Variants in KLF12 observed in about 807,000 individuals in gnomAD.
KLF12 encodes Krueppel-like factor 12.
In KLF12, 9 loss-of-function variants were observed where a neutral mutation model predicts 37.8. The ratio of observed to expected loss-of-function variants is 0.24; its 90% confidence interval spans 0.14 to 0.42. The LOEUF is 0.42. Ranked by LOEUF, KLF12 falls within the 10% of genes least tolerant of loss-of-function variation. The pLI is 1.00. For synonymous variants in KLF12, 208 were observed against 202.1 expected, an observed-to-expected ratio of 1.03 and a Z score of -0.25; for missense variants, 411 against 516.0, an observed-to-expected ratio of 0.80 and a Z score of 1.97.
At chr13:74,305,469 A>G in the KLF12 span, among the ~76,000 whole-genome samples, 1 of 152,072 alleles carries the variant, frequency 6.6e-6, no homozygotes, top group Non-Finnish European at 1.5e-5. Flanking sequence ...TTTAACTTAA[A>G]TAAAAATTGG....
At chr13:73,712,616 A>T (rs917040004) in intron 7 of KLF12, among the ~76,000 whole-genome samples, 1 of 152,238 alleles carries the variant, frequency 6.6e-6, no homozygotes, top group Non-Finnish European at 1.5e-5. Flanking sequence ...AAATGTTATG[A>T]AACAGCACCA....
chr13:73,850,888 G>T (rs1460348273), intron 3 of KLF12, among the ~76,000 whole-genome samples: 3 of 152,154 alleles, frequency 2.0e-5, no homozygotes, highest in African/African-American at 4.8e-5. Context: ...ATAGCTCATG[G>T]CTTAACTGTC....
chr13:73,861,720 AAC>A (rs1316808328), intron 3 of KLF12, among the ~76,000 whole-genome samples: 1 of 151,942 alleles, frequency 6.6e-6, no homozygotes, highest in East Asian at 1.9e-4. Context: ...TTCCTTCTCT[AAC>A]TCTTCCATAT....
rs527869419 is a variant in KLF12, at chr13:73,936,939, C to T, written c.123+7042G>A. Among the ~76,000 whole-genome samples, 106 of 152,158 alleles carry T rather than the reference C, an allele frequency of 7.0e-4. 1 individual carries two copies. Among genetic ancestry groups the T allele is most frequent in the Non-Finnish European group, 1.4e-3 (97 of 68,018 alleles). ...AGGCGCAGTGGCTCAGGCCTATAAT[C>T]CCAACCCTTTGGGAGGCAAAGGCAG... On this transcript the variant is annotated intron_variant, in intron 3 of 7. Coordinates refer to ENST00000377669, the MANE Select transcript of KLF12 (RefSeq NM_007249.5).
chr13:73,897,698 T>C (rs149440454), intron 3 of KLF12, among the ~76,000 whole-genome samples: 1 of 152,354 alleles, frequency 6.6e-6, no homozygotes, highest in East Asian at 1.9e-4. Flanking sequence ...ACACCTGGAT[T>C]AATGCAATAG....
At chr13:74,117,876 G>A (rs1233616911) in intron 1 of KLF12, among the ~76,000 whole-genome samples, 3 of 151,714 alleles carry the variant, frequency 2.0e-5, no homozygotes, top group African/African-American at 4.9e-5. Context: ...GAGAGACTAA[G>A]AAACTGCCAC....
At chr13:74,161,582 A>G in the KLF12 span, among the ~76,000 whole-genome samples, 1 of 152,190 alleles carries the variant, frequency 6.6e-6, no homozygotes, top group Non-Finnish European at 1.5e-5. Context: ...AACCCTGTTA[A>G]TGCTCTGATT....
chr13:74,058,270 TATATA>T (rs1873366645), intron 1 of KLF12, among the ~76,000 whole-genome samples: 3 of 151,504 alleles, frequency 2.0e-5, no homozygotes, highest in Non-Finnish European at 4.4e-5. Context: ...CCCGGCCAGC[TATATA>T]ATCTTTGATA....
chr13:73,796,507 CTGTGTG>C (rs5804694), intron 5 of KLF12, among the ~76,000 whole-genome samples: 1,961 of 140,346 alleles, frequency 0.014, 24 homozygotes, highest in South Asian at 0.023. Context: ...TGCCCCTGTG[CTGTGTG>C]TGTGTGTGTG....
chr13:73,778,376 C>A (rs1220928373), intron 5 of KLF12, among the ~76,000 whole-genome samples: 5 of 152,072 alleles, frequency 3.3e-5, no homozygotes, highest in Non-Finnish European at 5.9e-5. Flanking sequence ...GAGTCAGGGT[C>A]TCCCTCTGTA....
At chr13:73,907,510 C>A (rs4885131) in intron 3 of KLF12, among the ~76,000 whole-genome samples, 2 of 152,184 alleles carry the variant, frequency 1.3e-5, no homozygotes, top group African/African-American at 4.8e-5. Flanking sequence ...CTCCTCAGCT[C>A]TCAGTCTTCT....
chr13:74,098,976 G>A (rs1876145490), intron 1 of KLF12, among the ~76,000 whole-genome samples: 2 of 152,050 alleles, frequency 1.3e-5, no homozygotes, highest in South Asian at 4.1e-4. Flanking sequence ...CTTTTGTAAG[G>A]TTAGAAGGAG....
rs761893103 is a variant in KLF12 at position 73,769,904 on chromosome 13, G to A, written c.807-4904C>T. 7.8e-4 allele frequency among the ~76,000 whole-genome samples: 118 copies of A among 151,980 alleles called. 4 individuals carry two copies. Among genetic ancestry groups the A allele is most frequent in the Admixed American group, 5.9e-4 (9 of 15,250 alleles). Reference sequence around the variant, plus strand: ...CAGACCAATGAAATCTTTCTTGTAGGACATTACTCATCTAGCAAGACTAGA... The same window carrying A: ...CAGACCAATGAAATCTTTCTTGTAGAACATTACTCATCTAGCAAGACTAGA... On this transcript the variant is annotated intron_variant, in intron 5 of 7. Transcript: ENST00000377669.
intron 7 of KLF12, among the ~76,000 whole-genome samples, chr13:73,700,286 T>A (rs144341104): frequency 0.077 from 11,523 of 150,470 alleles, 538 homozygotes; most frequent in South Asian, 0.14. Flanking sequence ...ATAAATAAAT[T>A]AATTAATTAA....
At chr13:74,094,657 C>T (rs956422139) in intron 1 of KLF12, among the ~76,000 whole-genome samples, 38 of 150,644 alleles carry the variant, frequency 2.5e-4, no homozygotes, top group Admixed American at 6.6e-4. Flanking sequence ...TGGAGGGCAG[C>T]GGCCCCACCT....
rs543858309 is a variant in KLF12 at position 73,905,217 on chromosome 13, T to C, written c.123+38764A>G. On this transcript the variant is annotated intron_variant, in intron 3 of 7. Transcript: ENST00000377669. ...TAGAAGGACCTATTCATTACTCAAA[T>C]TTAACCTGCAGTTTACCATTGCTTC... 3.3e-5 allele frequency among the ~76,000 whole-genome samples: 5 copies of C among 152,340 alleles called. No homozygotes were observed. The South Asian group carries it at 6.2e-4, about 19-fold the overall frequency.
chr13:74,083,832 A>G (rs940700963), intron 1 of KLF12, among the ~76,000 whole-genome samples: 1 of 152,238 alleles, frequency 6.6e-6, no homozygotes, highest in East Asian at 1.9e-4. Context: ...CTTAGGGTAC[A>G]GAAATTAAAA....
intron 1 of KLF12, among the ~76,000 whole-genome samples, chr13:74,120,889 A>G (rs1163014541): frequency 1.3e-5 from 2 of 152,146 alleles, no homozygotes; most frequent in African/African-American, 4.8e-5. Flanking sequence ...TTAACTAATA[A>G]GCCAATAAAG....
intron 3 of KLF12, among the ~76,000 whole-genome samples, chr13:73,886,808 A>G (rs1887243189): frequency 6.6e-6 from 1 of 152,118 alleles, no homozygotes; most frequent in Admixed American, 6.5e-5. Flanking sequence ...CCTGACCAAC[A>G]TGGAGAAACC....
Sources: gnomAD v4.1 joint callset for allele counts (sites outside exome capture counted in the v4.1 genomes callset) on GRCh38, gnomAD v4.1.1 for gene constraint, MANE v1.5 for transcripts, NCBI Gene and HGNC (gene_info 2026-07-23, HGNC 2026-07-21) for gene names.